GRIN2A: variants seen among roughly 807,000 people sequenced by gnomAD.
GRIN2A encodes glutamate ionotropic receptor NMDA type subunit 2A.
Under a neutral mutation model 113.4 loss-of-function variants are expected in GRIN2A, and 22 were observed. The ratio of observed to expected loss-of-function variants is 0.19; its 90% CI spans 0.14 to 0.28. GRIN2A has a LOEUF of 0.28. Ranked by LOEUF, GRIN2A falls within the 10% of genes least tolerant of loss-of-function variation. The pLI, the probability that GRIN2A is intolerant of heterozygous loss-of-function variation, is 1.00. For missense variants in GRIN2A, 1,502 were observed against 1,887.0 expected (o/e 0.80, Z 3.78); for synonymous variants, 827 against 738.4 (o/e 1.12, Z -1.94).
At chr16:10,171,231 C>T (rs2050034823) in intron 2 of GRIN2A, among the ~76,000 whole-genome samples, 1 of 152,184 alleles carries the variant, frequency 6.6e-6, no homozygotes, top group African/African-American at 2.4e-5. Flanking sequence ...TTGAACAATG[C>T]ACAAATTACT....
intron 2 of GRIN2A, among the ~76,000 whole-genome samples, chr16:10,019,596 G>A (rs2141892608): frequency 6.6e-6 from 1 of 152,306 alleles, no homozygotes; most frequent in South Asian, 2.1e-4. Context: ...AAAACGGTAT[G>A]CCCTCAAGTA....
Position 9,937,559 on chromosome 16 carries a change from T to C in GRIN2A, c.1007+400A>G, listed in dbSNP as rs1979850. On this transcript the variant is annotated intron_variant, in intron 3 of 12. Transcript: ENST00000330684. ...AATTCCTACCATTATGCAGACTGGA[T>C]AACTAAATCATGATACCATGATATC... 9.8e-3 allele frequency among the ~76,000 whole-genome samples: 1,497 copies of C among 152,258 alleles called. 36 individuals carry two copies. The highest frequency in any genetic ancestry group is 0.035 in the African/African-American group (1,446 of 41,520).
intron 3 of GRIN2A, among the ~76,000 whole-genome samples, chr16:9,897,060 A>G (rs1424828924): frequency 6.6e-6 from 1 of 152,208 alleles, no homozygotes; most frequent in Non-Finnish European, 1.5e-5. Flanking sequence ...AGCAATAAGT[A>G]CACAGAAGCA....
At chr16:9,854,293 G>C (rs11864036) in intron 4 of GRIN2A, among the ~76,000 whole-genome samples, 514 of 152,042 alleles carry the variant, frequency 3.4e-3, no homozygotes, top group African/African-American at 0.011. Context: ...TTCAGCCCCC[G>C]AGACTCAGAG....
At chr16:9,967,981 C>T (rs956019391) in intron 2 of GRIN2A, among the ~76,000 whole-genome samples, 3 of 152,114 alleles carry the variant, frequency 2.0e-5, no homozygotes, top group Non-Finnish European at 2.9e-5. Flanking sequence ...CTTATGACTG[C>T]GGTTGGAATT....
chr16:10,105,795 T>G (rs1263975903), intron 2 of GRIN2A, among the ~76,000 whole-genome samples: 1 of 152,154 alleles, frequency 6.6e-6, no homozygotes, highest in African/African-American at 2.4e-5. Flanking sequence ...TAATCCCAGC[T>G]ACTTGGGAGG....
intron 8 of GRIN2A, among the ~76,000 whole-genome samples, chr16:9,833,597 A>G (rs2042535237): frequency 6.6e-6 from 1 of 152,238 alleles, no homozygotes. Flanking sequence ...GGTTATGACA[A>G]GATTAAAATA....
intron 2 of GRIN2A, among the ~76,000 whole-genome samples, chr16:10,045,211 C>T (rs1026983043): frequency 3.9e-5 from 6 of 152,162 alleles, no homozygotes; most frequent in African/African-American, 1.4e-4. Context: ...CTGGTAAGAT[C>T]TGGCCAGGAA....
intron 3 of GRIN2A, among the ~76,000 whole-genome samples, chr16:9,900,005 T>C (rs1244164473): frequency 1.3e-5 from 2 of 152,200 alleles, no homozygotes; most frequent in Non-Finnish European, 2.9e-5. Flanking sequence ...GCCATGTCAC[T>C]GGGTAATTAT....
At chr16:9,839,158 C>T (rs1446071700) in intron 7 of GRIN2A, among the ~76,000 whole-genome samples, 1 of 152,078 alleles carries the variant, frequency 6.6e-6, no homozygotes, top group Non-Finnish European at 1.5e-5. Context: ...TATGGGAGTG[C>T]CAAGGGGGAA....
Position 10,105,681 on chromosome 16 carries a change from C to A in GRIN2A, c.414+74317G>T, listed in dbSNP as rs554035624. The stretch of plus-strand genomic sequence containing the variant: ...CTTAAGGAGGCTGAGTTGAGGTGGG[C>A]AGATCTCCTGAGGTTAGGAGTTTGA... On this transcript the variant is annotated intron_variant, in intron 2 of 12. Coordinates refer to ENST00000330684, the MANE Select transcript of GRIN2A (RefSeq NM_001134407.3). Among the ~76,000 whole-genome samples the A allele has an allele frequency of 8.5e-5, 13 of 152,112 alleles. No individual in the cohort carries two copies. The East Asian group carries it at 2.3e-3, about 27-fold the overall frequency.
intron 2 of GRIN2A, among the ~76,000 whole-genome samples, chr16:10,086,217 CA>C (rs1319816282): frequency 2.0e-5 from 3 of 152,152 alleles, no homozygotes. Context: ...CAGCAAAGTG[CA>C]TTGTTGGTGG....
intron 2 of GRIN2A, among the ~76,000 whole-genome samples, chr16:10,062,826 C>T (rs1406755257): frequency 6.6e-6 from 1 of 151,484 alleles, no homozygotes; most frequent in East Asian, 1.9e-4. Flanking sequence ...GATTGTGCCA[C>T]TGCACTCCAG....
At chr16:9,963,024 A>G (rs183837311) in intron 2 of GRIN2A, among the ~76,000 whole-genome samples, 71 of 151,026 alleles carry the variant, frequency 4.7e-4, no homozygotes, top group African/African-American at 1.6e-3. Flanking sequence ...CGCAAGGACA[A>G]AAAACCAAAC....
intron 2 of GRIN2A, among the ~76,000 whole-genome samples, chr16:10,122,607 C>G (rs574848794): frequency 3.3e-5 from 5 of 151,748 alleles, no homozygotes; most frequent in African/African-American, 9.7e-5. Context: ...CCCCACCCCC[C>G]CAAAAAATGG....
intron 2 of GRIN2A, among the ~76,000 whole-genome samples, chr16:10,052,211 A>T (rs2047371210): frequency 6.6e-6 from 1 of 152,252 alleles, no homozygotes; most frequent in Non-Finnish European, 1.5e-5. Context: ...TTCTCATGAT[A>T]ATTCAAGCTC....
chr16:9,811,928 A>G (rs2141271341), intron 10 of GRIN2A, among the ~76,000 whole-genome samples: 1 of 152,196 alleles, frequency 6.6e-6, no homozygotes, highest in East Asian at 1.9e-4. Context: ...CTTGCTCCAC[A>G]CATTCATTTA....
Position 10,180,161 on chromosome 16 carries a change from G to C in GRIN2A, c.251C>G (p.Thr84Arg). 1 of 1,614,232 alleles carries C rather than the reference G, an allele frequency of 6.2e-7. No homozygotes were observed. The highest frequency in any genetic ancestry group is 8.5e-7 in the Non-Finnish European group (1 of 1,180,046). Reference sequence around the variant, plus strand: ...CCCGGACATGAGGTCGCACACGTGCGTGATGAGGCTCTTGGGGTCGGTGCG... The same window carrying C: ...CCCGGACATGAGGTCGCACACGTGCCTGATGAGGCTCTTGGGGTCGGTGCG... Reference protein sequence around the residue: ...MNRTDPKSLITHVCDLMSGAR... With the variant: ...MNRTDPKSLIRHVCDLMSGAR... Residue 84 changes from threonine (T) to arginine (R), a missense_variant, in exon 2 of 13, where the codon ACG becomes AGG. Thr to Arg is a moderately conservative substitution (Grantham distance 71, BLOSUM62 -1). Coordinates refer to ENST00000330684, the MANE Select transcript of GRIN2A (RefSeq NM_001134407.3). This position sits in a 1 kb window ranked among gnomAD's most constrained non-coding sequence, Gnocchi z 7.0.
chr16:10,122,265 C>A (rs1445482582), intron 2 of GRIN2A, among the ~76,000 whole-genome samples: 1 of 152,214 alleles, frequency 6.6e-6, no homozygotes, highest in Non-Finnish European at 1.5e-5. Flanking sequence ...AAACCTGGCA[C>A]TGTGCACAAG....
Sources: allele counts gnomAD v4.1 joint callset (sites outside exome capture counted in the v4.1 genomes callset), GRCh38; gene constraint gnomAD v4.1.1; non-coding constraint Gnocchi (gnomAD v3.1); transcripts MANE v1.5; gene names NCBI Gene and HGNC (gene_info 2026-07-23, HGNC 2026-07-21).